Variants in NFIB observed in about 807,000 individuals in gnomAD.
The protein encoded by NFIB is nuclear factor 1 B-type.
A neutral mutation model predicts 61.5 loss-of-function variants in NFIB; 11 were observed. That is an observed-to-expected ratio of 0.18 (90% CI 0.11 to 0.30). The LOEUF is 0.30. NFIB is among the 10% of genes least tolerant of loss of function. NFIB has a pLI of 1.00. For synonymous variants in NFIB, 260 were observed against 216.5 expected, an observed-to-expected ratio of 1.20 and a Z score of -1.76; for missense variants, 471 against 608.9, an observed-to-expected ratio of 0.77 and a Z score of 2.38.
chr9:14,487,449 A>C, the NFIB span, among the ~76,000 whole-genome samples: 1 of 152,214 alleles, frequency 6.6e-6, no homozygotes, highest in Non-Finnish European at 1.5e-5. Flanking sequence ...TTTGGGAAGC[A>C]AACTAGTAGC....
intron 1 of NFIB, among the ~76,000 whole-genome samples, chr9:14,323,153 C>T (rs925994582): frequency 6.6e-6 from 1 of 152,150 alleles, no homozygotes; most frequent in Admixed American, 6.5e-5. Context: ...GCAAAAGGAC[C>T]AGAAAGAGCG....
In NFIB at chr9:14,120,876, C is replaced by CA. The variant is rs200937942; in HGVS notation, c.1061-253dup. The stretch of plus-strand genomic sequence containing the variant: ...TGCTTCCTGGCTCTGTGAGTGGTTA[C>CA]AAAATCAGTTTCTCTTTTATAGGTT... On this transcript the variant is annotated intron_variant, in intron 7 of 10. Coordinates refer to ENST00000380953, the MANE Select transcript of NFIB (RefSeq NM_001190737.2). This position sits in a 1 kb window ranked among gnomAD's most constrained non-coding sequence, Gnocchi z 4.4. Among the ~76,000 whole-genome samples, 749 of 152,272 alleles carry CA rather than the reference C, an allele frequency of 4.9e-3. 6 individuals carry two copies. The highest frequency in any genetic ancestry group is 0.016 in the African/African-American group (647 of 41,556).
Position 14,327,745 on chromosome 9 carries a change from A to G in NFIB, c.109-20225T>C, listed in dbSNP as rs745342194. On this transcript the variant is annotated intron_variant, in intron 1 of 8. Coordinates refer to the NFIB transcript ENST00000380934. ...TGTAGAATGAAAATAGTGTTCATAT[A>G]GAAACCAAAGAAAAATGTAATTAGG... 2.7e-4 allele frequency among the ~76,000 whole-genome samples: 41 copies of G among 152,214 alleles called. 1 individual carries two copies. The highest frequency in any genetic ancestry group is 1.2e-4 in the Non-Finnish European group (8 of 68,030).
At chr9:14,253,713 T>C (rs973469101) in intron 2 of NFIB, among the ~76,000 whole-genome samples, 11 of 152,174 alleles carry the variant, frequency 7.2e-5, no homozygotes, top group African/African-American at 2.7e-4. Flanking sequence ...TAAAATGAAG[T>C]TGTCAGAAAT....
chr9:14,252,846 C>T (rs1434092651), intron 2 of NFIB, among the ~76,000 whole-genome samples: 2 of 151,862 alleles, frequency 1.3e-5, no homozygotes, highest in Non-Finnish European at 2.9e-5. Flanking sequence ...GCACCCATGA[C>T]GGTCACCCGT....
intron 10 of NFIB, among the ~76,000 whole-genome samples, chr9:14,097,621 A>G (rs1205382852): frequency 1.3e-5 from 2 of 152,138 alleles, no homozygotes; most frequent in East Asian, 1.9e-4. Flanking sequence ...ATACACACAC[A>G]CTACATACAC....
chr9:14,232,993 C>G (rs1305416503), intron 2 of NFIB, among the ~76,000 whole-genome samples: 1 of 152,186 alleles, frequency 6.6e-6, no homozygotes, highest in Admixed American at 6.5e-5. Context: ...GCGGGTCTGC[C>G]TCTGGCTTCC....
chr9:14,294,931 C>T (rs1171585311), intron 2 of NFIB, among the ~76,000 whole-genome samples: 1 of 152,128 alleles, frequency 6.6e-6, no homozygotes, highest in Non-Finnish European at 1.5e-5. Flanking sequence ...GGGAAACAAG[C>T]ACCGAAACTA....
At chr9:14,175,163 A>ATTTTTTTTTTTTTTTTTTTT (rs375736787) in intron 3 of NFIB, among the ~76,000 whole-genome samples, 2 of 102,106 alleles carry the variant, frequency 2.0e-5, no homozygotes. Context: ...GACTTAAAGA[A>ATTTTTTTTTTTTTTTTTTTT]TTTCTTTTTT....
chr9:14,466,318 G>A, the NFIB span, among the ~76,000 whole-genome samples: 1,370 of 152,216 alleles, frequency 9.0e-3, 22 homozygotes, highest in African/African-American at 0.031. Context: ...CTAAGGCAGC[G>A]GACGTGTCTT....
At chr9:14,212,551 T>C (rs1231386954) in intron 2 of NFIB, among the ~76,000 whole-genome samples, 1 of 152,088 alleles carries the variant, frequency 6.6e-6, no homozygotes, top group Admixed American at 6.5e-5. Context: ...TCTAATAAAA[T>C]TGTCCATATT....
At chr9:14,230,152 G>T (rs966469815) in intron 2 of NFIB, among the ~76,000 whole-genome samples, 1 of 152,142 alleles carries the variant, frequency 6.6e-6, no homozygotes, top group Non-Finnish European at 1.5e-5. Flanking sequence ...CAGTATAAAA[G>T]AATGGTATAA....
chr9:14,217,660 C>CAAAAAAAAAAAAAAAAAAA (rs34055171), intron 2 of NFIB, among the ~76,000 whole-genome samples: 100 of 81,480 alleles, frequency 1.2e-3, no homozygotes, highest in East Asian at 6.5e-3. Flanking sequence ...AACTCCATCT[C>CAAAAAAAAAAAAAAAAAAA]AAAAAAAAAA....
At chr9:14,496,136 T>C in the NFIB span, among the ~76,000 whole-genome samples, 15 of 152,340 alleles carry the variant, frequency 9.8e-5, no homozygotes, top group African/African-American at 3.4e-4. Flanking sequence ...ATGTTGAGTA[T>C]CCCTCATCTG....
rs2132722601 is a variant in NFIB at position 14,309,695 on chromosome 9, A to C, written c.31-2175T>G. On this transcript the variant is annotated intron_variant, in intron 1 of 10. Transcript: ENST00000380953. ...TTCTGATGCCATGCTTTTAGCTTTCACTGTAACTACAAAAACTTTGTTTAT... is the reference window on the plus strand; with the variant it reads ...TTCTGATGCCATGCTTTTAGCTTTCCCTGTAACTACAAAAACTTTGTTTAT... Among the ~76,000 whole-genome samples, 2 of 152,330 alleles carry C rather than the reference A, an allele frequency of 1.3e-5. 1 individual carries two copies. Among genetic ancestry groups the C allele is most frequent in the South Asian group, 4.1e-4 (2 of 4,828 alleles).
chr9:14,522,062 C>G, the NFIB span, among the ~76,000 whole-genome samples: 1 of 152,130 alleles, frequency 6.6e-6, no homozygotes, highest in African/African-American at 2.4e-5. Flanking sequence ...GGAAACAGCC[C>G]AAACTGACAA....
At chr9:14,344,422 G>C (rs2060994990) in intron 1 of NFIB, among the ~76,000 whole-genome samples, 2 of 151,540 alleles carry the variant, frequency 1.3e-5, no homozygotes, top group Non-Finnish European at 2.9e-5. Context: ...GGGGGGGGTA[G>C]AGGGAGTTGT....
At chr9:14,434,310 C>T in the NFIB span, among the ~76,000 whole-genome samples, 1 of 152,180 alleles carries the variant, frequency 6.6e-6, no homozygotes, top group East Asian at 1.9e-4. Context: ...TGTTGACTCA[C>T]ACTTCCTATG....
At chr9:14,119,730 G>A (rs551042591) in intron 8 of NFIB, among the ~76,000 whole-genome samples, 2 of 152,188 alleles carry the variant, frequency 1.3e-5, no homozygotes, top group South Asian at 4.2e-4. Context: ...ATAGCCCCAG[G>A]TCTGGCACAA....
Sources: gnomAD v4.1 joint callset for allele counts (sites outside exome capture counted in the v4.1 genomes callset) on GRCh38, gnomAD v4.1.1 for gene constraint, Gnocchi (gnomAD v3.1) non-coding constraint, MANE v1.5 for transcripts, NCBI Gene and HGNC (gene_info 2026-07-23, HGNC 2026-07-21) for gene names.